ACAP3: variants seen among roughly 807,000 people sequenced by gnomAD.
The protein encoded by ACAP3 is arf-GAP with coiled-coil, ANK repeat and PH domain-containing protein 3.
Under a neutral mutation model 104.1 loss-of-function variants are expected in ACAP3, and 56 were observed. That is an observed-to-expected ratio of 0.54 (90% confidence interval 0.43 to 0.67). The LOEUF is 0.67. Among genes scored for constraint, ACAP3 ranks in the 30% least tolerant of loss-of-function variants. The pLI is 0.00. For missense variants in ACAP3, 1,208 were observed against 1,174.9 expected (o/e 1.03, Z -0.41); for synonymous variants, 628 against 496.2 (o/e 1.27, Z -3.53).
At chr1:1,299,674 A>G (rs938123127) in intron 9 of ACAP3, 157 bp downstream of exon 9, 2 of 925,110 alleles carry the variant, frequency 2.2e-6, no homozygotes, top group African/African-American at 3.4e-5. Context: ...CACTGCACAC[A>G]TCAAAGGGAG....
rs764243334 is a variant in ACAP3 at position 1,295,720 on chromosome 1, G to T, written c.1705+16C>A. The T allele has an allele frequency of 6.3e-7, 1 of 1,590,686 alleles. No individual in the cohort carries two copies. The highest frequency in any genetic ancestry group is 1.7e-5 in the Admixed American group (1 of 58,676). On this transcript the variant is annotated intron_variant, in intron 18 of 23. Transcript: ENST00000354700. ...AGGCAAGCCCCTCCCAGCCCTGCCG[G>T]GGCATGGCCTCCCACCTGAGGACAG...
chr1:1,307,288 T>A, intron 1 of ACAP3: 1 of 1,288,964 alleles, frequency 7.8e-7, no homozygotes, highest in South Asian at 1.2e-5. Context: ...CCGCCACCCC[T>A]CCAAGCCCCT....
chr1:1,306,563 G>C (rs571823183), intron 1 of ACAP3, among the ~76,000 whole-genome samples: 61 of 152,260 alleles, frequency 4.0e-4, no homozygotes, highest in African/African-American at 1.3e-3. Flanking sequence ...CCACTCCAAG[G>C]CTCCTGAGCC....
chr1:1,295,946 A>AG lies in ACAP3; in HGVS notation c.1503-9dup. 3 of 1,612,370 alleles carry AG rather than the reference A, an allele frequency of 1.9e-6. No individual in the cohort carries two copies. Among genetic ancestry groups the AG allele is most frequent in the Non-Finnish European group, 2.5e-6 (3 of 1,179,864 alleles). On this transcript the variant is annotated splice_polypyrimidine_tract_variant and intron_variant, in intron 17 of 23. Transcript: ENST00000354700. Reference sequence around the variant, plus strand: ...CAGGCCTCCTTGTCCTGCCTGGACCAGGGGGGAACATGAGGCTGTGCCCCC... The same window carrying AG: ...CAGGCCTCCTTGTCCTGCCTGGACCAGGGGGGGAACATGAGGCTGTGCCCCC...
At chr1:1,295,101 A>G (rs1256102976) in intron 19 of ACAP3, 2 of 554,614 alleles carry the variant, frequency 3.6e-6, no homozygotes, top group East Asian at 3.0e-5. Flanking sequence ...TGGGCCCCCC[A>G]GCCCCGTCTG....
At chr1:1,299,724 G>C in intron 9 of ACAP3, 107 bp downstream of exon 9, 1 of 1,296,880 alleles carries the variant, frequency 7.7e-7, no homozygotes, top group Non-Finnish European at 1.1e-6. Flanking sequence ...CAGGGCAGGT[G>C]GGAGACAGGC....
chr1:1,299,654 C>T lies in ACAP3; in HGVS notation c.738+177G>A, dbSNP rs537418568. 2.3e-5 allele frequency: 18 copies of T among 795,358 alleles called. No homozygotes were observed. In the South Asian group the frequency reaches 2.8e-4, roughly 13 times the overall value. 49.3% of individuals were successfully genotyped at this position (795,358 alleles called of 1,614,324 possible). A position where few individuals can be genotyped will look rare whatever the true frequency, so the allele number is the denominator to read the frequency against. ...GATCCCAGCAGCGGCCCCACCCACA[C>T]GTGCCCCTCCACTGCACACATCAAA... On this transcript the variant is annotated intron_variant, in intron 9 of 23. Coordinates refer to ENST00000354700, the MANE Select transcript of ACAP3 (RefSeq NM_030649.3).
rs1641309572 is a variant in ACAP3, at chr1:1,298,682, G to A, written c.751-3C>T. The A allele has an allele frequency of 1.9e-6, 3 of 1,609,794 alleles. No individual in the cohort carries two copies. The highest frequency in any genetic ancestry group is 2.5e-6 in the Non-Finnish European group (3 of 1,177,480). On this transcript the variant is annotated splice_region_variant and splice_polypyrimidine_tract_variant and intron_variant, in intron 10 of 23. Coordinates refer to ENST00000354700, the MANE Select transcript of ACAP3 (RefSeq NM_030649.3). ...TTGGACTCATCGTAGGAGAAGTCCT[G>A]GGGGGATGGAACCCGCCCCCTCAGT...
In ACAP3 at chr1:1,294,396, G is replaced by T; in HGVS notation, c.2139+6C>A. 1 of 1,569,528 alleles carries T rather than the reference G, an allele frequency of 6.4e-7. No individual in the cohort carries two copies. The highest frequency in any genetic ancestry group is 8.6e-7 in the Non-Finnish European group (1 of 1,162,202). On this transcript the variant is annotated splice_donor_region_variant and intron_variant, in intron 21 of 23. Coordinates refer to ENST00000354700, the MANE Select transcript of ACAP3 (RefSeq NM_030649.3). ...GTCCTGCGCGCAGCCCCCGTGGCTC[G>T]CTCACCCCTAGCACGGCCTGCACCA... is the stretch of plus-strand genomic sequence containing the variant.
chr1:1,299,748 G>A (rs533815217), intron 9 of ACAP3, 83 bp downstream of exon 9: 96 of 1,418,314 alleles, frequency 6.8e-5, no homozygotes, highest in East Asian at 4.5e-4. Context: ...AGGAAGGGGC[G>A]GGGAGGGTGT....
At chr1:1,296,155 C>T (rs776360480) in intron 16 of ACAP3, 46 bp from the exon 17 acceptor site, 42 of 1,608,248 alleles carry the variant, frequency 2.6e-5, no homozygotes, top group Non-Finnish European at 1.9e-5. Context: ...ACCTGCAGAC[C>T]CCAGCTCCCG....
chr1:1,293,368 C>T lies in ACAP3; in HGVS notation c.*196G>A, dbSNP rs1388484876. The T allele has an allele frequency of 1.8e-5, 8 of 444,238 alleles. No homozygotes were observed. Among genetic ancestry groups the T allele is most frequent in the Admixed American group, 5.0e-5 (1 of 19,910 alleles). The allele number at this position is 444,238 out of a possible 1,614,324, so 27.5% of individuals were successfully genotyped here. A position where few individuals can be genotyped will look rare whatever the true frequency, so the allele number is the denominator to read the frequency against. The stretch of plus-strand genomic sequence containing the variant: ...ACGATGCAGCACCCCCCCAGGGAAA[C>T]GTGAGGCTTCAAGAGACTCAGTGTG... On this transcript the variant is annotated 3_prime_UTR_variant, in exon 24 of 24. Transcript: ENST00000354700.
At position 1,307,905 on chromosome 1, in the gene ACAP3, G is replaced by A. The variant is rs112647254; in HGVS notation, c.-90C>T. On this transcript the variant is annotated 5_prime_UTR_variant, in exon 1 of 24. Coordinates refer to ENST00000354700, the MANE Select transcript of ACAP3 (RefSeq NM_030649.3). ...CCGGACCGCTCGTCCCGCCCGCGCC[G>A]CCTCGGCGCCCGCCCGCCCCGGAAT... 3 of 737,790 alleles carry A rather than the reference G, an allele frequency of 4.1e-6. No homozygotes were observed. Among genetic ancestry groups the A allele is most frequent in the Admixed American group, 6.5e-5 (1 of 15,466 alleles). 45.7% of individuals were successfully genotyped at this position (737,790 alleles called of 1,614,324 possible). A position where few individuals can be genotyped will look rare whatever the true frequency, so the allele number is the denominator to read the frequency against.
chr1:1,297,040 G>C (rs941920862), intron 14 of ACAP3, among the ~76,000 whole-genome samples: 6 of 151,036 alleles, frequency 4.0e-5, no homozygotes, highest in Non-Finnish European at 8.8e-5. Context: ...CACACACCCA[G>C]CTTGCAGGAG....
Position 1,296,507 on chromosome 1 carries a change from C to A in ACAP3, c.1255G>T (p.Gly419Cys), listed in dbSNP as rs1041472258. ...VQSVAGNSQC[G>C]DCGQPDPRWA... is the part of the protein sequence containing the mutation. Reference sequence around the variant, plus strand: ...CGGGGGTCCGGCTGGCCGCAGTCGCCGCACTGGCTGTTGCCGGCCACACTC... The same window carrying A: ...CGGGGGTCCGGCTGGCCGCAGTCGCAGCACTGGCTGTTGCCGGCCACACTC... Residue 419 changes from glycine to cysteine, a missense_variant, in exon 15 of 24, where the codon GGC (glycine) becomes TGC (cysteine). Gly to Cys is a radical substitution (Grantham distance 159). Transcript: ENST00000354700. 4 of 1,541,564 alleles carry A rather than the reference C, an allele frequency of 2.6e-6. No homozygotes were observed. In the East Asian group the frequency reaches 7.3e-5, roughly 28 times the overall value.
Position 1,297,939 on chromosome 1 carries a change from G to C in ACAP3, c.1017-6C>G. The C allele has an allele frequency of 6.2e-7, 1 of 1,611,676 alleles. No homozygotes were observed. The highest frequency in any genetic ancestry group is 8.5e-7 in the Non-Finnish European group (1 of 1,179,318). Reference sequence around the variant, plus strand: ...CAGCCTGCAGCATGCAGCTCCTGCAGGCAGTGGAGGGGCGGGCGTCAGCTC... The same window carrying C: ...CAGCCTGCAGCATGCAGCTCCTGCACGCAGTGGAGGGGCGGGCGTCAGCTC... On this transcript the variant is annotated splice_region_variant and splice_polypyrimidine_tract_variant and intron_variant, in intron 13 of 23. Transcript: ENST00000354700.
At chr1:1,307,261 C>A in intron 1 of ACAP3, 1 of 1,288,450 alleles carries the variant, frequency 7.8e-7, no homozygotes. Context: ...CCTGACCTTC[C>A]CCGCCGCTCT....
At position 1,295,740 on chromosome 1, in the gene ACAP3, G is replaced by A. The variant is rs1641105565; in HGVS notation, c.1701C>T (p.Ser567=). The A allele has an allele frequency of 6.2e-7, 1 of 1,601,842 alleles. No homozygotes were observed. Among genetic ancestry groups the A allele is most frequent in the African/African-American group, 1.3e-5 (1 of 74,802 alleles). ...EPVLPCVAAL[S]SVGTLDRKFR... ...TGCCGGGGCATGGCCTCCCACCTGA[G>A]GACAGAGCGGCCACACAGGGCAGAA... The change falls in exon 18 of 24, where the codon TCC becomes TCT. Residue 567 remains serine (S), a synonymous_variant. Transcript: ENST00000354700.
chr1:1,297,665 G>T (rs183831509), intron 14 of ACAP3, among the ~76,000 whole-genome samples, 157 bp downstream of exon 14: 1 of 88,406 alleles, frequency 1.1e-5, no homozygotes, highest in Admixed American at 1.1e-4. Flanking sequence ...GTGCACAGGC[G>T]CGGGGCAGGG....
Sources: gnomAD v4.1 joint callset for allele counts (sites outside exome capture counted in the v4.1 genomes callset) on GRCh38, gnomAD v4.1.1 for gene constraint, MANE v1.5 for transcripts, NCBI Gene and HGNC (gene_info 2026-07-23, HGNC 2026-07-21) for gene names.